Variants in DPP6 observed in about 807,000 individuals in gnomAD.
DPP6 encodes A-type potassium channel modulatory protein DPP6.
Under a neutral mutation model 122.6 loss-of-function variants are expected in DPP6, and 69 were observed. That is an observed-to-expected ratio of 0.56 (90% CI 0.46 to 0.69). The LOEUF is 0.69. Among genes scored for constraint, DPP6 ranks in the 30% least tolerant of loss-of-function variants. The probability of loss-of-function intolerance (pLI) is 0.00; values close to 1 mark genes in which losing one functional copy is unlikely to be tolerated. For synonymous variants in DPP6, 418 were observed against 433.1 expected (o/e 0.97, Z 0.43); for missense variants, 928 against 1,116.9 (o/e 0.83, Z 2.41).
chr7:154,560,824 C>A (rs138484373), intron 4 of DPP6, among the ~76,000 whole-genome samples: 1,545 of 150,414 alleles, frequency 0.01, 26 homozygotes, highest in African/African-American at 0.034. Flanking sequence ...CAGAGGTTGC[C>A]GTGAACTGAG....
At chr7:154,879,854 GC>G (rs1314399427) in intron 20 of DPP6, among the ~76,000 whole-genome samples, 1 of 152,090 alleles carries the variant, frequency 6.6e-6, no homozygotes, top group Non-Finnish European at 1.5e-5. Context: ...TGTAAACAGG[GC>G]CCCTACACCA....
At chr7:154,791,281 TA>T (rs1440727108) in intron 10 of DPP6, among the ~76,000 whole-genome samples, 3 of 142,628 alleles carry the variant, frequency 2.1e-5, no homozygotes, top group African/African-American at 9.2e-5. Context: ...AATAAATAAA[TA>T]AAATAAAGAC....
intron 1 of DPP6, among the ~76,000 whole-genome samples, chr7:154,349,713 G>T (rs1810692516): frequency 6.6e-6 from 1 of 152,160 alleles, no homozygotes; most frequent in Admixed American, 6.5e-5. Flanking sequence ...CGCCGTGTCA[G>T]CTAGAGTAAG....
chr7:154,325,726 C>T (rs7808911), intron 1 of DPP6, among the ~76,000 whole-genome samples: 22,067 of 152,040 alleles, frequency 0.15, 2,103 homozygotes, highest in African/African-American at 0.26. Context: ...AGAACTGCAC[C>T]AAGACTGTCA....
At chr7:154,599,990 C>A (rs939011774) in intron 5 of DPP6, among the ~76,000 whole-genome samples, 8 of 152,124 alleles carry the variant, frequency 5.3e-5, no homozygotes, top group Non-Finnish European at 1.2e-4. Context: ...TCCATAAGGT[C>A]TATCCTTTTC....
At chr7:154,193,416 G>A (rs1448715848) in intron 1 of DPP6, among the ~76,000 whole-genome samples, 1 of 152,174 alleles carries the variant, frequency 6.6e-6, no homozygotes, top group Non-Finnish European at 1.5e-5. Context: ...AGCCCCATTT[G>A]GGCAAAGAGT....
At chr7:153,955,473 C>G (rs201380182) in intron 1 of DPP6, among the ~76,000 whole-genome samples, 1 of 152,094 alleles carries the variant, frequency 6.6e-6, no homozygotes, top group Non-Finnish European at 1.5e-5. Flanking sequence ...GAGTCTTGCT[C>G]TGTCACCCAG....
intron 1 of DPP6, among the ~76,000 whole-genome samples, chr7:154,175,246 A>T (rs1168330464): frequency 6.6e-6 from 1 of 152,126 alleles, no homozygotes; most frequent in Non-Finnish European, 1.5e-5. Context: ...GGTATATTAC[A>T]GTACCTGGCA....
At chr7:153,881,484 C>T in the DPP6 span, among the ~76,000 whole-genome samples, 5 of 152,196 alleles carry the variant, frequency 3.3e-5, no homozygotes, top group Non-Finnish European at 7.3e-5. Flanking sequence ...ATCCTTACTA[C>T]CTACCCAAAT....
At chr7:154,587,813 TC>T (rs765359080) in intron 5 of DPP6, 1 of 1,612,772 alleles carries the variant, frequency 6.2e-7, no homozygotes, top group Non-Finnish European at 8.5e-7. Context: ...GTCTCGGCAG[TC>T]AATGGATACA....
At position 153,919,516 on chromosome 7, in the gene DPP6, A is replaced by G. The variant is rs79244820; in HGVS notation, c.51+31782A>G. Among the ~76,000 whole-genome samples, 970 of 150,190 alleles carry G rather than the reference A, an allele frequency of 6.5e-3. 15 individuals are homozygous for G. The highest frequency in any genetic ancestry group is 5.9e-3 in the Non-Finnish European group (392 of 66,606). ...AGTTGAATGGTTGTCTACTTTGATG[A>G]AAAAAAATGTGTTTAATAGAGGACT... On this transcript the variant is annotated intron_variant, in intron 1 of 25. Coordinates refer to the DPP6 transcript ENST00000404039.
At chr7:154,331,455 C>A (rs1426875304) in intron 1 of DPP6, among the ~76,000 whole-genome samples, 1 of 152,142 alleles carries the variant, frequency 6.6e-6, no homozygotes, top group Non-Finnish European at 1.5e-5. Flanking sequence ...AAGAACTCAC[C>A]TTTGTAAATG....
Position 154,761,473 on chromosome 7 carries a change from T to C in DPP6, c.884-7944T>C, listed in dbSNP as rs570540153. On this transcript the variant is annotated intron_variant, in intron 8 of 25. Coordinates refer to ENST00000377770, the MANE Select transcript of DPP6 (RefSeq NM_130797.4). ...CATACCACCCTGTGTGAGGCCGTTCTTGCATTGCGATAAAGAAATCCCCGA... is the reference window on the plus strand; with the variant it reads ...CATACCACCCTGTGTGAGGCCGTTCCTGCATTGCGATAAAGAAATCCCCGA... 6.5e-4 allele frequency among the ~76,000 whole-genome samples: 99 copies of C among 152,172 alleles called. 2 individuals are homozygous for C. In the South Asian group the frequency reaches 0.02, roughly 31 times the overall value.
rs71530489 is a variant in DPP6 at position 154,004,152 on chromosome 7, T to C, written c.51+116418T>C. On this transcript the variant is annotated intron_variant, in intron 1 of 25. Transcript: ENST00000404039. The stretch of plus-strand genomic sequence containing the variant: ...AGTCATGACCTGCTTTTATCCTCAC[T>C]GTCAATGTTTTTCTTTCCATACATT... Among the ~76,000 whole-genome samples, 393 of 152,294 alleles carry C rather than the reference T, an allele frequency of 2.6e-3. 1 individual carries two copies. The highest frequency in any genetic ancestry group is 8.0e-3 in the African/African-American group (332 of 41,530).
In DPP6 at chr7:154,382,828, C is replaced by T. The variant is rs529641851; in HGVS notation, c.244-63386C>T. On this transcript the variant is annotated intron_variant, in intron 1 of 25. Transcript: ENST00000377770. ...CTCACCTCTGCCTCCTGGGTTCAAG[C>T]GATTCTCCTGCCTCAGCCTCCCAAG... Among the ~76,000 whole-genome samples the T allele has an allele frequency of 6.6e-5, 10 of 152,140 alleles. No individual in the cohort carries two copies. In the East Asian group the frequency reaches 7.8e-4, roughly 12 times the overall value.
the DPP6 span, among the ~76,000 whole-genome samples, chr7:153,816,407 A>G: frequency 1.3e-5 from 2 of 152,230 alleles, no homozygotes; most frequent in Non-Finnish European, 1.5e-5. Flanking sequence ...CAAGTTTGAA[A>G]TCAGTATTAA....
intron 16 of DPP6, among the ~76,000 whole-genome samples, chr7:154,850,163 A>G (rs1246451415): frequency 1.3e-5 from 2 of 152,086 alleles, no homozygotes; most frequent in Admixed American, 1.3e-4. Context: ...ACTGAACCCA[A>G]TTTGTAGTCT....
In DPP6 at chr7:153,890,842, C is replaced by G. The variant is rs962075018; in HGVS notation, c.51+3108C>G. ...AGTAGCTGGGGACTACAGGCGTGCA[C>G]CACCATGCCTGGCTTTTTTTTTTTT... On this transcript the variant is annotated intron_variant, in intron 1 of 25. Transcript: ENST00000404039. Among the ~76,000 whole-genome samples the G allele has an allele frequency of 1.4e-4, 19 of 135,524 alleles. No individual in the cohort carries two copies. In the East Asian group the frequency reaches 4.1e-3, roughly 29 times the overall value. 88.9% of individuals were successfully genotyped at this position (135,524 alleles called of 152,430 possible).
chr7:154,361,290 A>G (rs1333579836), intron 1 of DPP6, among the ~76,000 whole-genome samples: 1 of 152,202 alleles, frequency 6.6e-6, no homozygotes, highest in South Asian at 2.1e-4. Context: ...ACTGCCCACC[A>G]TCTGCTCAAG....
Sources: gnomAD v4.1 joint callset for allele counts (sites outside exome capture counted in the v4.1 genomes callset) on GRCh38, gnomAD v4.1.1 for gene constraint, MANE v1.5 for transcripts, NCBI Gene and HGNC (gene_info 2026-07-23, HGNC 2026-07-21) for gene names.